The following STIL variants were observed in gnomAD, a reference collection of about 807,000 sequenced individuals.
STIL encodes STIL centriolar assembly protein.
A neutral mutation model predicts 110.1 loss-of-function variants in STIL; 55 were observed. That is an observed-to-expected ratio of 0.50 (90% CI 0.40 to 0.63). The LOEUF (loss-of-function observed/expected upper bound fraction) is 0.63. Ranked by LOEUF, STIL falls within the 20% of genes least tolerant of loss-of-function variation. The pLI is 0.00. For synonymous variants in STIL, 481 were observed against 530.0 expected, an observed-to-expected ratio of 0.91 and a Z score of 1.27; for missense variants, 1,358 against 1,530.0, an observed-to-expected ratio of 0.89 and a Z score of 1.87.
In STIL at chr1:47,302,289, C is replaced by T. The variant is rs771374616; in HGVS notation, c.210G>A (p.Lys70=). 1 of 1,614,084 alleles carries T rather than the reference C, an allele frequency of 6.2e-7. No individual in the cohort carries two copies. Among genetic ancestry groups the T allele is most frequent in the East Asian group, 2.2e-5 (1 of 44,884 alleles). The change falls in exon 4 of 17, where the codon AAG becomes AAA. Residue 70 remains lysine (K), a synonymous_variant. Transcript: ENST00000371877. ...KTIRLAYRHA[K]QNKKNSSCFL... ...AGCATGACGAATTTTTTTTATTCTG[C>T]TTAGCATGACGATAAGCAAGTCGGA...
chr1:47,268,502 T>C (rs2897237), intron 14 of STIL, among the ~76,000 whole-genome samples: 118,241 of 151,948 alleles, frequency 0.78, 46,666 homozygotes, highest in Middle Eastern at 0.87. Flanking sequence ...TGCCTGTAAT[T>C]CCAGCACTTT....
At chr1:47,261,608 C>T (rs765368641) in intron 15 of STIL, among the ~76,000 whole-genome samples, 27 of 151,944 alleles carry the variant, frequency 1.8e-4, no homozygotes, top group African/African-American at 6.0e-4. Context: ...GGTGTGGTGG[C>T]GTGCACCTGT....
intron 14 of STIL, among the ~76,000 whole-genome samples, chr1:47,267,158 T>C (rs1411510112): frequency 3.3e-5 from 5 of 152,204 alleles, no homozygotes; most frequent in African/African-American, 1.2e-4. Flanking sequence ...TGGTTTCCTT[T>C]ACCACTCTAC....
intron 2 of STIL, among the ~76,000 whole-genome samples, chr1:47,306,913 A>G (rs1448441780): frequency 2.0e-5 from 3 of 152,204 alleles, no homozygotes; most frequent in Admixed American, 6.5e-5. Context: ...GCACTTTGGG[A>G]GGCCAAGGCA....
rs530745841 is a variant in STIL at position 47,262,843 on chromosome 1, C to T, written c.2829+60G>A. ...CAGTTTAAACCTAGGAAAAGCTTAA[C>T]TAGTATATCCTATACTAAATAACCT... On this transcript the variant is annotated intron_variant, in intron 15 of 16. Transcript: ENST00000371877. 20 of 1,463,150 alleles carry T rather than the reference C, an allele frequency of 1.4e-5. 1 individual carries two copies. Among genetic ancestry groups the T allele is most frequent in the South Asian group, 9.1e-5 (8 of 87,536 alleles). The allele number at this position is 1,463,150 out of a possible 1,614,324, so 90.6% of individuals were successfully genotyped here. A position where few individuals can be genotyped will look rare whatever the true frequency, so the allele number is the denominator to read the frequency against.
At chr1:47,280,165 T>C in intron 12 of STIL, 76 bp downstream of exon 12, 2 of 1,581,268 alleles carry the variant, frequency 1.3e-6, no homozygotes, top group Non-Finnish European at 1.7e-6. Context: ...AAAACATCAT[T>C]ACTGAGGAGA....
chr1:47,280,724 G>C lies in STIL; in HGVS notation c.1734C>G (p.Pro578=), dbSNP rs1645133692. 17 of 1,614,084 alleles carry C rather than the reference G, an allele frequency of 1.1e-5. No individual in the cohort carries two copies. The highest frequency in any genetic ancestry group is 1.3e-5 in the Non-Finnish European group (15 of 1,179,956). The change falls in exon 12 of 17, where the codon CCC becomes CCG. Residue 578 remains proline (P), a synonymous_variant. Transcript: ENST00000371877. ...GTTCCATTGGTCTTCCTGAATTATG[G>C]GGTGAAAAAACAAAATCGTGTGGTT... ...QSQPHDFVFS[P]HNSGRPMELQ...
chr1:47,263,193 G>C, intron 14 of STIL, 77 bp from the exon 15 acceptor site: 1 of 1,343,138 alleles, frequency 7.4e-7, no homozygotes, highest in East Asian at 2.4e-5. Flanking sequence ...TTAGAAAAAA[G>C]GGTTAAGACT....
intron 16 of STIL, among the ~76,000 whole-genome samples, chr1:47,254,265 T>C (rs1169419513): frequency 6.7e-6 from 1 of 150,004 alleles, no homozygotes; most frequent in Non-Finnish European, 1.5e-5. Context: ...TGCTCACTAA[T>C]GCTGGTCTTT....
chr1:47,264,576 C>T (rs1354916455), intron 14 of STIL, among the ~76,000 whole-genome samples: 3 of 152,134 alleles, frequency 2.0e-5, no homozygotes, highest in Non-Finnish European at 4.4e-5. Context: ...ACCAATGAAG[C>T]TGCAAGGCAA....
chr1:47,272,111 T>C lies in STIL; in HGVS notation c.2348A>G (p.His783Arg). The change falls in exon 13 of 17, where the codon CAC becomes CGC. Residue 783 changes from histidine to arginine, a missense_variant. By Grantham distance (29) the His-to-Arg change is conservative (BLOSUM62 0). Coordinates refer to ENST00000371877, the MANE Select transcript of STIL (RefSeq NM_001048166.1). ...AGCAATGCTTACACCTTTTCTCATG[T>C]GCAAGCCAGGGGAAGACTGTGCTTC... is the stretch of plus-strand genomic sequence containing the variant. ...SVEAQSSPGL[H>R]MRKGVSIAVS... is the part of the protein sequence containing the mutation. 1 of 1,614,200 alleles carries C rather than the reference T, an allele frequency of 6.2e-7. No individual in the cohort carries two copies. Among genetic ancestry groups the C allele is most frequent in the Non-Finnish European group, 8.5e-7 (1 of 1,180,028 alleles).
chr1:47,264,265 G>A (rs1010344172), intron 14 of STIL, among the ~76,000 whole-genome samples: 3 of 152,110 alleles, frequency 2.0e-5, no homozygotes, highest in Non-Finnish European at 4.4e-5. Context: ...ATCTGCTGGC[G>A]CCTCAATCTT....
intron 16 of STIL, among the ~76,000 whole-genome samples, chr1:47,253,917 G>A (rs964794874): frequency 6.6e-6 from 1 of 151,972 alleles, no homozygotes; most frequent in East Asian, 1.9e-4. Context: ...GGTGGCTCCC[G>A]CCTGTAATCC....
intron 12 of STIL, among the ~76,000 whole-genome samples, chr1:47,275,143 C>CTCA (rs1553173868): frequency 2.9e-5 from 2 of 68,346 alleles, no homozygotes; most frequent in Non-Finnish European, 3.1e-5. Flanking sequence ...AAGACTCTGT[C>CTCA]TCATCAACAA....
intron 11 of STIL, among the ~76,000 whole-genome samples, chr1:47,281,965 T>C (rs1645167101): frequency 6.6e-6 from 1 of 152,106 alleles, no homozygotes; most frequent in African/African-American, 2.4e-5. Context: ...GTATATAATG[T>C]TGAGTCTATA....
At chr1:47,277,663 T>C (rs1645031880) in intron 12 of STIL, among the ~76,000 whole-genome samples, 1 of 152,158 alleles carries the variant, frequency 6.6e-6, no homozygotes, top group Non-Finnish European at 1.5e-5. Flanking sequence ...CCTGAGAATT[T>C]TGCCTGAGTG....
chr1:47,280,394 C>T lies in STIL; in HGVS notation c.2064G>A (p.Pro688=), dbSNP rs138834578. 4.5e-4 allele frequency: 734 copies of T among 1,614,070 alleles called. No individual in the cohort carries two copies. The highest frequency in any genetic ancestry group is 5.7e-4 in the Non-Finnish European group (672 of 1,180,048). Reference sequence around the variant, plus strand: ...GGTTACATAAGTCCATATGTGAAGGCGGTCTTGCCACAGGCGATGGTTCAA... The same window carrying T: ...GGTTACATAAGTCCATATGTGAAGGTGGTCTTGCCACAGGCGATGGTTCAA... ...SNIEPSPVAR[P]PSHMDLCNPQ... Residue 688 remains proline, a synonymous_variant, in exon 12 of 17, where the codon CCG becomes CCA. Transcript: ENST00000371877.
At chr1:47,290,281 T>A (rs1302519957) in intron 8 of STIL, among the ~76,000 whole-genome samples, 3 of 152,164 alleles carry the variant, frequency 2.0e-5, no homozygotes, top group African/African-American at 7.2e-5. Context: ...GTAAGTCTGT[T>A]TGGGAAAAAT....
chr1:47,257,201 T>A (rs1443273406), intron 16 of STIL, among the ~76,000 whole-genome samples: 1 of 152,172 alleles, frequency 6.6e-6, no homozygotes, highest in African/African-American at 2.4e-5. Flanking sequence ...TAAGTTTAAG[T>A]CAAACTGAAA....
Sources: allele counts gnomAD v4.1 joint callset (sites outside exome capture counted in the v4.1 genomes callset), GRCh38; gene constraint gnomAD v4.1.1; transcripts MANE v1.5; gene names NCBI Gene and HGNC (gene_info 2026-07-23, HGNC 2026-07-21).